The following CD4 variants were observed in gnomAD, a reference collection of about 807,000 sequenced individuals.
CD4 encodes the protein T-cell surface glycoprotein CD4.
Under a neutral mutation model 50.5 loss-of-function variants are expected in CD4, and 25 were observed. That is an observed-to-expected ratio of 0.49 (90% CI 0.36 to 0.69). CD4 has a LOEUF of 0.69. Among genes scored for constraint, CD4 ranks in the 30% least tolerant of loss-of-function variants. The pLI is 0.00. For synonymous variants in CD4, 207 were observed against 221.9 expected (o/e 0.93, Z 0.60); for missense variants, 456 against 548.5 (o/e 0.83, Z 1.68).
chr12:6,806,065 G>A (rs1942745540), intron 3 of CD4, among the ~76,000 whole-genome samples: 1 of 151,514 alleles, frequency 6.6e-6, no homozygotes, highest in South Asian at 2.1e-4. Flanking sequence ...TTGGGAGGCT[G>A]AGGCAGGCTG....
Position 6,800,059 on chromosome 12 carries a change from G to C in CD4, c.-67-13G>C. 8.0e-7 allele frequency: 1 copy of C among 1,249,980 alleles called. No homozygotes were observed. Among genetic ancestry groups the C allele is most frequent in the Non-Finnish European group, 1.2e-6 (1 of 850,670 alleles). 77.4% of individuals were successfully genotyped at this position (1,249,980 alleles called of 1,614,324 possible). A position where few individuals can be genotyped will look rare whatever the true frequency, so the allele number is the denominator to read the frequency against. On this transcript the variant is annotated splice_polypyrimidine_tract_variant and intron_variant, in intron 1 of 9. Coordinates refer to ENST00000011653, the MANE Select transcript of CD4 (RefSeq NM_000616.5). ...GTAAATGTTTGCTGACTAATGATTG[G>C]CATTTCCCTCAGGCCCTGCCATTTC...
At chr12:6,790,465 C>T (rs1049675249) in intron 1 of CD4, among the ~76,000 whole-genome samples, 1 of 152,164 alleles carries the variant, frequency 6.6e-6, no homozygotes, top group Non-Finnish European at 1.5e-5. Flanking sequence ...TGAGCTTTTG[C>T]GTATGAATTG....
intron 3 of CD4, among the ~76,000 whole-genome samples, chr12:6,806,144 A>T (rs1555116122): frequency 7.0e-6 from 1 of 143,610 alleles, no homozygotes; most frequent in East Asian, 2.0e-4. Flanking sequence ...ACCAAAAAAA[A>T]AAAAAGGTAC....
chr12:6,806,983 C>T lies in CD4; in HGVS notation c.214+6512C>T, dbSNP rs1329168515. ...GAGATCGAGACCATCCTGGCTAACA[C>T]GGTGAAACCCTGTCTCTACTAAAAA... is the stretch of plus-strand genomic sequence containing the variant. On this transcript the variant is annotated intron_variant, in intron 3 of 9. Coordinates refer to ENST00000011653, the MANE Select transcript of CD4 (RefSeq NM_000616.5). 2.6e-5 allele frequency among the ~76,000 whole-genome samples: 4 copies of T among 152,124 alleles called. No homozygotes were observed. In the East Asian group the frequency reaches 5.8e-4, roughly 22 times the overall value.
chr12:6,800,511 C>T (rs782371453), intron 3 of CD4, 40 bp downstream of exon 3: 4 of 1,557,252 alleles, frequency 2.6e-6, no homozygotes, highest in Non-Finnish European at 3.5e-6. Context: ...GGAAAACACA[C>T]TATGGAGTGA....
At chr12:6,805,333 C>A (rs1942708802) in intron 3 of CD4, among the ~76,000 whole-genome samples, 1 of 151,620 alleles carries the variant, frequency 6.6e-6, no homozygotes, top group African/African-American at 2.4e-5. Flanking sequence ...GAAGTTGAGG[C>A]TGGCGGATCA....
chr12:6,819,647 G>A lies in CD4; in HGVS notation c.*318G>A. On this transcript the variant is annotated 3_prime_UTR_variant, in exon 10 of 10. Transcript: ENST00000011653. ...AGGGGAGTGTTCAGGGCCAGCCCTG[G>A]CTGGCATGGAGGGTGAGGCTGGGTG... 1 of 394,498 alleles carries A rather than the reference G, an allele frequency of 2.5e-6. No individual in the cohort carries two copies. The highest frequency in any genetic ancestry group is 2.9e-5 in the South Asian group (1 of 34,420). The allele number at this position is 394,498 out of a possible 1,614,324, so 24.4% of individuals were successfully genotyped here. A position where few individuals can be genotyped will look rare whatever the true frequency, so the allele number is the denominator to read the frequency against.
Position 6,818,534 on chromosome 12 carries a change from C to A in CD4, c.1270C>A (p.His424Asn). Residue 424 changes from histidine to asparagine, a missense_variant, in exon 8 of 10, where the codon CAC becomes AAC. Transcript: ENST00000011653. The surrounding 1 kb of genome is among the most constrained non-coding windows in gnomAD (Gnocchi z 5.0). Reference protein sequence around the residue: ...LGIFFCVRCRHRRRQAERMSQ... With the variant: ...LGIFFCVRCRNRRRQAERMSQ... ...CATCTTCTTCTGTGTCAGGTGCCGG[C>A]ACCGAAGGGTGAGTAACCCCACACC... 1 of 1,612,824 alleles carries A rather than the reference C, an allele frequency of 6.2e-7. No individual in the cohort carries two copies. Among genetic ancestry groups the A allele is most frequent in the South Asian group, 1.1e-5 (1 of 91,082 alleles).
intron 3 of CD4, among the ~76,000 whole-genome samples, chr12:6,808,257 C>G (rs782803656): frequency 6.8e-6 from 1 of 147,398 alleles, no homozygotes; most frequent in Non-Finnish European, 1.5e-5. Flanking sequence ...GATTGAGCCA[C>G]TCTGGCTAAC....
In CD4 at chr12:6,805,999, A is replaced by G. The variant is rs1275536941; in HGVS notation, c.214+5528A>G. 2.0e-5 allele frequency among the ~76,000 whole-genome samples: 3 copies of G among 151,772 alleles called. No individual in the cohort carries two copies. The East Asian group carries it at 5.8e-4, about 29-fold the overall frequency. Reference sequence around the variant, plus strand: ...AATAATTTTGCTCTGCAAAATCCCTATTAAGAAGAAGAAAAGAGGCTGGGC... The same window carrying G: ...AATAATTTTGCTCTGCAAAATCCCTGTTAAGAAGAAGAAAAGAGGCTGGGC... On this transcript the variant is annotated intron_variant, in intron 3 of 9. Coordinates refer to ENST00000011653, the MANE Select transcript of CD4 (RefSeq NM_000616.5).
rs1374124268 is a variant in CD4, at chr12:6,800,068, T to G, written c.-67-4T>G. The G allele has an allele frequency of 7.3e-7, 1 of 1,362,120 alleles. No individual in the cohort carries two copies. Among genetic ancestry groups the G allele is most frequent in the East Asian group, 2.3e-5 (1 of 43,700 alleles). 84.4% of individuals were successfully genotyped at this position (1,362,120 alleles called of 1,614,324 possible). A position where few individuals can be genotyped will look rare whatever the true frequency, so the allele number is the denominator to read the frequency against. On this transcript the variant is annotated splice_polypyrimidine_tract_variant and splice_region_variant and intron_variant, in intron 1 of 9. Coordinates refer to ENST00000011653, the MANE Select transcript of CD4 (RefSeq NM_000616.5). ...TGCTGACTAATGATTGGCATTTCCC[T>G]CAGGCCCTGCCATTTCTGTGGGCTC...
intron 5 of CD4, chr12:6,815,817 G>A: frequency 6.8e-7 from 1 of 1,473,400 alleles, no homozygotes; most frequent in Non-Finnish European, 9.0e-7. Flanking sequence ...CCTGTGGCTG[G>A]GCTGCTCTGT....
intron 4 of CD4, 65 bp downstream of exon 4, chr12:6,814,365 C>G: frequency 6.5e-7 from 1 of 1,529,100 alleles, no homozygotes; most frequent in Non-Finnish European, 8.9e-7. Context: ...ACTCCCACCC[C>G]TGCACCAAAT....
Position 6,817,229 on chromosome 12 carries a change from C to G in CD4, c.1055C>G (p.Ser352Trp), listed in dbSNP as rs201791740. 8.4e-5 allele frequency: 135 copies of G among 1,613,006 alleles called. No individual in the cohort carries two copies. Among genetic ancestry groups the G allele is most frequent in the Non-Finnish European group, 1.1e-4 (132 of 1,179,496 alleles). Residue 352 changes from serine to tryptophan, a missense_variant, in exon 7 of 10, where the codon TCG becomes TGG. Transcript: ENST00000011653. ...CTGGAGAACAAGGAGGCAAAGGTCT[C>G]GAAGCGGGAGAAGGCGGTGTGGGTG... ...LKLENKEAKV[S>W]KREKAVWVLN...
rs1943165178 is a variant in CD4, at chr12:6,818,432, T to C, written c.1168T>C (p.Trp390Arg). The stretch of plus-strand genomic sequence containing the variant: ...TCTCTCCCTTGCAGTTCTGCCCACA[T>C]GGTCCACCCCGGTGCAGCCAATGGC... ...LESNIKVLPTWSTPVQPMALI... is the reference protein window; with the variant it reads ...LESNIKVLPTRSTPVQPMALI... Residue 390 changes from tryptophan to arginine, a missense_variant, in exon 8 of 10, where the codon TGG becomes CGG. Trp to Arg is a moderately radical substitution (Grantham distance 101, BLOSUM62 -3). Coordinates refer to ENST00000011653, the MANE Select transcript of CD4 (RefSeq NM_000616.5). The surrounding 1 kb of genome is among the most constrained non-coding windows in gnomAD (Gnocchi z 5.0). 6.2e-7 allele frequency: 1 copy of C among 1,612,536 alleles called. No individual in the cohort carries two copies. The highest frequency in any genetic ancestry group is 8.5e-7 in the Non-Finnish European group (1 of 1,179,992).
rs1591547179 is a variant in CD4, at chr12:6,800,310, T to C, written c.53T>C (p.Leu18Pro). Reference protein sequence around the residue: ...RHLLLVLQLALLPAATQGKKV... With the variant: ...RHLLLVLQLAPLPAATQGKKV... Reference sequence around the variant, plus strand: ...GACTCCTTTCTTTTCCACTTAGCGCTCCTCCCAGCAGCCACTCAGGGAAAG... The same window carrying C: ...GACTCCTTTCTTTTCCACTTAGCGCCCCTCCCAGCAGCCACTCAGGGAAAG... Residue 18 changes from leucine to proline, a missense_variant, in exon 3 of 10, where the codon CTC (leucine) becomes CCC (proline). Transcript: ENST00000011653. The C allele has an allele frequency of 3.1e-6, 5 of 1,613,096 alleles. No homozygotes were observed. The highest frequency in any genetic ancestry group is 4.2e-6 in the Non-Finnish European group (5 of 1,179,796).
chr12:6,818,886 A>T lies in CD4; in HGVS notation c.1318A>T (p.Ser440Cys). ...ERMSQIKRLL[S>C]EKKTCQCPHR... is the part of the protein sequence containing the mutation. ...GATGTCTCAGATCAAGAGACTCCTC[A>T]GTGAGAAGAAGACCTGCCAGTGTCC... Residue 440 changes from serine to cysteine, a missense_variant, in exon 9 of 10, where the codon AGT (serine) becomes TGT (cysteine). Physicochemically the swap from Ser to Cys is moderately radical, Grantham distance 112. Transcript: ENST00000011653. This position sits in a 1 kb window ranked among gnomAD's most constrained non-coding sequence, Gnocchi z 5.0. The T allele has an allele frequency of 6.7e-7, 1 of 1,495,762 alleles. No homozygotes were observed. The highest frequency in any genetic ancestry group is 9.0e-7 in the Non-Finnish European group (1 of 1,106,406). 92.7% of individuals were successfully genotyped at this position (1,495,762 alleles called of 1,614,324 possible). A position where few individuals can be genotyped will look rare whatever the true frequency, so the allele number is the denominator to read the frequency against.
intron 4 of CD4, 43 bp from the exon 5 acceptor site, chr12:6,814,716 G>A (rs1943039535): frequency 7.2e-7 from 1 of 1,393,132 alleles, no homozygotes; most frequent in Non-Finnish European, 1.0e-6. Context: ...CCTTCTCCTT[G>A]GGGATGGTAT....
intron 1 of CD4, among the ~76,000 whole-genome samples, chr12:6,796,691 T>A (rs1320897298): frequency 6.6e-6 from 1 of 152,152 alleles, no homozygotes; most frequent in Non-Finnish European, 1.5e-5. Context: ...AAGCTCCAGC[T>A]CTTCGACCTG....
Sources: gnomAD v4.1 joint callset for allele counts (sites outside exome capture counted in the v4.1 genomes callset) on GRCh38, gnomAD v4.1.1 for gene constraint, Gnocchi (gnomAD v3.1) non-coding constraint, MANE v1.5 for transcripts, NCBI Gene and HGNC (gene_info 2026-07-23, HGNC 2026-07-21) for gene names.